The following ROS1 variants were observed in gnomAD, a reference collection of about 807,000 sequenced individuals.
The protein encoded by ROS1 is proto-oncogene tyrosine-protein kinase ROS.
ROS1 carries 263 observed loss-of-function variants against 273.5 expected under a neutral mutation model. The ratio of observed to expected loss-of-function variants is 0.96; its 90% CI spans 0.87 to 1.06. The LOEUF (loss-of-function observed/expected upper bound fraction) is 1.06. Ranked by LOEUF, ROS1 falls within the 50% of genes least tolerant of loss-of-function variation. ROS1 has a pLI of 0.00. For missense variants in ROS1, 2,833 were observed against 2,751.1 expected (o/e 1.03, Z -0.67); for synonymous variants, 1,008 against 954.1 (o/e 1.06, Z -1.04).
At chr6:117,345,526 G>A (rs1778303702) in intron 27 of ROS1, among the ~76,000 whole-genome samples, 1 of 152,168 alleles carries the variant, frequency 6.6e-6, no homozygotes. Context: ...AGCCCCAGGA[G>A]GGTGCCTGAC....
At chr6:117,410,559 T>C (rs1212662889) in intron 4 of ROS1, among the ~76,000 whole-genome samples, 2 of 152,280 alleles carry the variant, frequency 1.3e-5, no homozygotes, top group African/African-American at 4.8e-5. Context: ...TCTTAACAGA[T>C]GCATTAACAT....
chr6:117,294,776 G>T (rs1210182854), intron 43 of ROS1, among the ~76,000 whole-genome samples: 2 of 151,978 alleles, frequency 1.3e-5, no homozygotes, highest in Non-Finnish European at 2.9e-5. Flanking sequence ...TCTCTACAAG[G>T]GAAACTACAA....
rs1776493978 is a variant in ROS1 at position 117,324,403 on chromosome 6, A to T, written c.5552T>A (p.Ile1851Lys). ...NIILVGDDFWIPETSFILTII... is the reference protein window; with the variant it reads ...NIILVGDDFWKPETSFILTII... The stretch of plus-strand genomic sequence containing the variant: ...AGTAAGTATGAAACTTGTTTCTGGT[A>T]TCCAAAAATCATCTAATAATATAAA... The change falls in exon 35 of 44, where the codon ATA becomes AAA. Residue 1851 changes from isoleucine to lysine, a missense_variant. Ile to Lys is a moderately radical substitution (Grantham distance 102). Transcript: ENST00000368507. 7.0e-7 allele frequency: 1 copy of T among 1,426,354 alleles called. No individual in the cohort carries two copies. Among genetic ancestry groups the T allele is most frequent in the Non-Finnish European group, 9.8e-7 (1 of 1,023,454 alleles). 88.4% of individuals were successfully genotyped at this position (1,426,354 alleles called of 1,614,324 possible).
chr6:117,314,795 A>G (rs1197433295), intron 39 of ROS1, among the ~76,000 whole-genome samples: 1 of 152,164 alleles, frequency 6.6e-6, no homozygotes, highest in African/African-American at 2.4e-5. Flanking sequence ...GTCAGGGAAA[A>G]GATTCAGTTA....
At chr6:117,366,394 T>A in intron 18 of ROS1, 104 bp from the exon 19 acceptor site, 1 of 721,690 alleles carries the variant, frequency 1.4e-6, no homozygotes, top group Non-Finnish European at 2.4e-6. Flanking sequence ...CTGTACGCAT[T>A]TGTGTACATT....
At chr6:117,367,554 G>C (rs1734329971) in intron 18 of ROS1, among the ~76,000 whole-genome samples, 1 of 152,146 alleles carries the variant, frequency 6.6e-6, no homozygotes, top group African/African-American at 2.4e-5. Context: ...TGCCAAGAAG[G>C]CATGGCCTGC....
rs753828185 is a variant in ROS1 at position 117,362,787 on chromosome 6, TCCA to T, written c.3179_3181del (p.Val1060del). Reference sequence around the variant, plus strand: ...ATGCTTAGGTTTGTTCCACCTAAATTCCACCACAACTTCATTCTTGTTGCAGCA... The same window carrying T: ...ATGCTTAGGTTTGTTCCACCTAAATTCCACAACTTCATTCTTGTTGCAGCA... On this transcript the variant is annotated inframe_deletion, in exon 22 of 44. Coordinates refer to ENST00000368507, the MANE Select transcript of ROS1 (RefSeq NM_001378902.1). 1 of 1,613,754 alleles carries T rather than the reference TCCA, an allele frequency of 6.2e-7. No homozygotes were observed. Among genetic ancestry groups the T allele is most frequent in the Non-Finnish European group, 8.5e-7 (1 of 1,179,730 alleles).
rs149992064 is a variant in ROS1, at chr6:117,380,002, T to G, written c.2482-843A>C. ...CTAGATGAGGCCTGATGGCACAGAA[T>G]CCATGAGATATGGCATAGAATCCAT... On this transcript the variant is annotated intron_variant, in intron 17 of 43. Coordinates refer to ENST00000368507, the MANE Select transcript of ROS1 (RefSeq NM_001378902.1). 4.2e-3 allele frequency among the ~76,000 whole-genome samples: 640 copies of G among 152,258 alleles called. 4 individuals are homozygous for G. The highest frequency in any genetic ancestry group is 0.014 in the African/African-American group (589 of 41,576).
intron 42 of ROS1, 36 bp downstream of exon 42, chr6:117,308,758 G>A (rs1220640657): frequency 6.3e-7 from 1 of 1,598,008 alleles, no homozygotes; most frequent in Non-Finnish European, 8.5e-7. Flanking sequence ...ACATGTTTTT[G>A]TTTGGGGGAT....
chr6:117,305,968 G>C (rs587575), intron 42 of ROS1, among the ~76,000 whole-genome samples: 16,287 of 150,714 alleles, frequency 0.11, 1,100 homozygotes, highest in Non-Finnish European at 0.16. Context: ...ATCTCATTTG[G>C]CTAAGTAGAG....
chr6:117,379,557 C>G (rs573270467), intron 17 of ROS1, among the ~76,000 whole-genome samples: 1 of 152,096 alleles, frequency 6.6e-6, no homozygotes, highest in South Asian at 2.1e-4. Context: ...GTAGTGGTAA[C>G]TCTGGCCTAT....
rs7769643 is a variant in ROS1, at chr6:117,320,768, C to A, written c.5759+491G>T. Among the ~76,000 whole-genome samples the A allele has an allele frequency of 2.0e-5, 3 of 152,166 alleles. No individual in the cohort carries two copies. The East Asian group carries it at 5.8e-4, about 29-fold the overall frequency. ...TTTGCATAGATCCTAATATAATGAA[C>A]CTTTGCATAAGACACTTGAATATTT... On this transcript the variant is annotated intron_variant, in intron 36 of 43. Transcript: ENST00000368507.
chr6:117,425,724 G>T lies in ROS1; in HGVS notation c.-68C>A. On this transcript the variant is annotated 5_prime_UTR_variant, in exon 1 of 44. Coordinates refer to ENST00000368507, the MANE Select transcript of ROS1 (RefSeq NM_001378902.1). Reference sequence around the variant, plus strand: ...CTCCATTTTGCTATATGAATTATTTGGGCTTCATCACTTCAATTGGAGGAG... The same window carrying T: ...CTCCATTTTGCTATATGAATTATTTTGGCTTCATCACTTCAATTGGAGGAG... The T allele has an allele frequency of 6.5e-7, 1 of 1,549,776 alleles. No homozygotes were observed. The highest frequency in any genetic ancestry group is 8.8e-7 in the Non-Finnish European group (1 of 1,135,348).
intron 32 of ROS1, 35 bp from the exon 33 acceptor site, chr6:117,329,481 T>C (rs752639687): frequency 1.0e-6 from 1 of 957,034 alleles, no homozygotes; most frequent in African/African-American, 1.6e-5. Context: ...GGTTGATATG[T>C]TTGAAGTATT....
intron 33 of ROS1, among the ~76,000 whole-genome samples, chr6:117,326,981 A>G (rs1776687397): frequency 6.6e-6 from 1 of 152,182 alleles, no homozygotes; most frequent in African/African-American, 2.4e-5. Context: ...TGGAAGGAGC[A>G]CAAGGGCTGG....
chr6:117,341,176 ATGG>A lies in ROS1; in HGVS notation c.5017_5019del (p.Pro1673del), dbSNP rs1222871954. 6.2e-6 allele frequency: 10 copies of A among 1,613,170 alleles called. No individual in the cohort carries two copies. Among genetic ancestry groups the A allele is most frequent in the Non-Finnish European group, 8.5e-6 (10 of 1,179,504 alleles). ...CAAAATCTGATGAGGTTAACATTCAATGGAGCCTTCCAATTAAATTGCAAACTA... is the reference window on the plus strand; with the variant it reads ...CAAAATCTGATGAGGTTAACATTCAAAGCCTTCCAATTAAATTGCAAACTA... On this transcript the variant is annotated inframe_deletion, in exon 31 of 44. Transcript: ENST00000368507.
At position 117,287,917 on chromosome 6, in the gene ROS1, CA is replaced by C. The variant is rs3086754; in HGVS notation, c.*574del. On this transcript the variant is annotated 3_prime_UTR_variant, in exon 44 of 44. Coordinates refer to ENST00000368507, the MANE Select transcript of ROS1 (RefSeq NM_001378902.1). ...TGGGCAACAGAGCAAGACTTCGTCT[CA>C]AAAAAAAAAAAAAAAAATTAAAAAA... Among the ~76,000 whole-genome samples the C allele has an allele frequency of 0.37, 48,118 of 129,136 alleles. 8,276 individuals are homozygous for C. The highest frequency in any genetic ancestry group is 0.42 in the Admixed American group (5,257 of 12,422). 84.7% of individuals were successfully genotyped at this position (129,136 alleles called of 152,430 possible). A position where few individuals can be genotyped will look rare whatever the true frequency, so the allele number is the denominator to read the frequency against.
chr6:117,361,193 T>G (rs1387226320), intron 22 of ROS1, among the ~76,000 whole-genome samples: 23 of 140,694 alleles, frequency 1.6e-4, no homozygotes. Flanking sequence ...ACAGTAAAGT[T>G]TATTTTTTTT....
At chr6:117,424,882 C>G (rs1293603445) in intron 1 of ROS1, among the ~76,000 whole-genome samples, 1 of 152,022 alleles carries the variant, frequency 6.6e-6, no homozygotes, top group African/African-American at 2.4e-5. Context: ...TTTTCTCTGT[C>G]TATAGAGTAC....
Sources: gnomAD v4.1 joint callset for allele counts (sites outside exome capture counted in the v4.1 genomes callset) on GRCh38, gnomAD v4.1.1 for gene constraint, MANE v1.5 for transcripts, NCBI Gene and HGNC (gene_info 2026-07-23, HGNC 2026-07-21) for gene names.